Variants in KPNA4 observed in about 807,000 individuals in gnomAD.
KPNA4 encodes the protein karyopherin subunit alpha 4.
A neutral mutation model predicts 71.3 loss-of-function variants in KPNA4; 13 were observed. That is an observed-to-expected ratio of 0.18 (90% CI 0.12 to 0.29). KPNA4 has a LOEUF of 0.29. Ranked by LOEUF, KPNA4 falls within the 10% of genes least tolerant of loss-of-function variation. The pLI, the probability that KPNA4 is intolerant of heterozygous loss-of-function variation, is 1.00. For synonymous variants in KPNA4, 189 were observed against 195.2 expected, an observed-to-expected ratio of 0.97 and a Z score of 0.26; for missense variants, 334 against 603.2, an observed-to-expected ratio of 0.55 and a Z score of 4.67.
intron 7 of KPNA4, among the ~76,000 whole-genome samples, chr3:160,529,770 A>G (rs1181555355): frequency 6.6e-6 from 1 of 151,792 alleles, no homozygotes; most frequent in South Asian, 2.1e-4. Context: ...TCCTATTATA[A>G]TAACAATGAA....
chr3:160,508,875 A>G (rs1164415954), intron 14 of KPNA4, among the ~76,000 whole-genome samples: 1 of 152,164 alleles, frequency 6.6e-6, no homozygotes, highest in Non-Finnish European at 1.5e-5. Flanking sequence ...CCAGTGGCTC[A>G]CATGTGCCTG....
intron 13 of KPNA4, among the ~76,000 whole-genome samples, chr3:160,510,679 C>A (rs1195405064): frequency 6.6e-6 from 1 of 151,796 alleles, no homozygotes; most frequent in East Asian, 1.9e-4. Flanking sequence ...TATAAAATGG[C>A]ATAATTCTTA....
intron 15 of KPNA4, among the ~76,000 whole-genome samples, chr3:160,506,897 T>C (rs1720994283): frequency 6.6e-6 from 1 of 152,212 alleles, no homozygotes; most frequent in African/African-American, 2.4e-5. Context: ...TCTTACTACA[T>C]TAATTTTGAA....
At chr3:160,532,992 A>G (rs1721602589) in intron 5 of KPNA4, among the ~76,000 whole-genome samples, 1 of 152,144 alleles carries the variant, frequency 6.6e-6, no homozygotes, top group South Asian at 2.1e-4. Context: ...TTTCAAGAGG[A>G]TTTATACAGC....
intron 1 of KPNA4, among the ~76,000 whole-genome samples, chr3:160,538,009 G>C (rs10212356): frequency 0.017 from 2,613 of 151,812 alleles, 34 homozygotes; most frequent in Middle Eastern, 0.092. Context: ...ATCCTCATAG[G>C]AAGTCTTAAT....
intron 1 of KPNA4, among the ~76,000 whole-genome samples, chr3:160,538,556 A>G (rs1721735081): frequency 6.6e-6 from 1 of 152,224 alleles, no homozygotes; most frequent in African/African-American, 2.4e-5. Flanking sequence ...TCAGTAAAAA[A>G]TATTTTGTAA....
chr3:160,550,990 TG>T (rs1477446221), intron 1 of KPNA4, among the ~76,000 whole-genome samples: 2 of 152,230 alleles, frequency 1.3e-5, no homozygotes, highest in African/African-American at 4.8e-5. Context: ...TGTCTTTTTC[TG>T]GTTTTAGTAT....
intron 10 of KPNA4, among the ~76,000 whole-genome samples, chr3:160,525,012 T>C (rs1366153515): frequency 1.3e-5 from 2 of 152,210 alleles, no homozygotes; most frequent in Non-Finnish European, 2.9e-5. Context: ...TTCATGTGTT[T>C]TCCCTTACCC....
rs1720830121 is a variant in KPNA4, at chr3:160,499,223, A to C, written c.*2881T>G. 6.6e-6 allele frequency: 1 copy of C among 152,170 alleles called. No individual in the cohort carries two copies. Among genetic ancestry groups the C allele is most frequent in the Admixed American group, 6.5e-5 (1 of 15,276 alleles). 9.4% of individuals were successfully genotyped at this position (152,170 alleles called of 1,614,324 possible). On this transcript the variant is annotated 3_prime_UTR_variant, in exon 17 of 17. Coordinates refer to ENST00000334256, the MANE Select transcript of KPNA4 (RefSeq NM_002268.5). The stretch of plus-strand genomic sequence containing the variant: ...CAATGGAAAGTATTATTTCCACCAT[A>C]ACACACAATTACTGAAGTCTTTGAA...
intron 12 of KPNA4, chr3:160,514,943 T>TA (rs1487702660): frequency 3.9e-6 from 2 of 518,744 alleles, no homozygotes; most frequent in African/African-American, 1.9e-5. Flanking sequence ...ATGAACCTGT[T>TA]AGAGATTTTA....
intron 1 of KPNA4, among the ~76,000 whole-genome samples, chr3:160,538,014 C>T (rs565648301): frequency 7.2e-5 from 11 of 151,806 alleles, no homozygotes; most frequent in African/African-American, 2.7e-4. Context: ...CATAGGAAGT[C>T]TTAATTTTTA....
At chr3:160,544,167 T>C (rs932665265) in intron 1 of KPNA4, among the ~76,000 whole-genome samples, 1 of 152,142 alleles carries the variant, frequency 6.6e-6, no homozygotes, top group Non-Finnish European at 1.5e-5. Flanking sequence ...CTCCTTGACC[T>C]TTCAATAGCT....
intron 13 of KPNA4, among the ~76,000 whole-genome samples, chr3:160,512,687 C>T (rs1037964007): frequency 6.6e-6 from 1 of 152,152 alleles, no homozygotes; most frequent in African/African-American, 2.4e-5. Flanking sequence ...CAAAAATTAG[C>T]TGGGTGTAGT....
At chr3:160,525,501 T>C (rs985187253) in intron 10 of KPNA4, among the ~76,000 whole-genome samples, 1 of 152,222 alleles carries the variant, frequency 6.6e-6, no homozygotes, top group Non-Finnish European at 1.5e-5. Flanking sequence ...CTTTAAAAAC[T>C]TTTAATGTCA....
At chr3:160,538,872 A>AT (rs1220554798) in intron 1 of KPNA4, among the ~76,000 whole-genome samples, 1 of 152,102 alleles carries the variant, frequency 6.6e-6, no homozygotes, top group African/African-American at 2.4e-5. Context: ...CCTGGGTTCA[A>AT]TTTTTTTAGC....
At chr3:160,532,497 G>C (rs1419833087) in intron 5 of KPNA4, among the ~76,000 whole-genome samples, 1 of 152,198 alleles carries the variant, frequency 6.6e-6, no homozygotes, top group Non-Finnish European at 1.5e-5. Context: ...CCAGAGAGAT[G>C]CTAGAGAATC....
chr3:160,540,139 A>G (rs894514645), intron 1 of KPNA4, among the ~76,000 whole-genome samples: 1 of 151,498 alleles, frequency 6.6e-6, no homozygotes, highest in African/African-American at 2.4e-5. Flanking sequence ...AGCTGGGACT[A>G]CAGGCTCATG....
rs190527624 is a variant in KPNA4, at chr3:160,503,589, T to C, written c.1467+1369A>G. ...TGCATCTAAAGGCTCCTTTTGGAAA[T>C]TCCACAATATTACAAACCTGTAGTG... On this transcript the variant is annotated intron_variant, in intron 16 of 16. Coordinates refer to ENST00000334256, the MANE Select transcript of KPNA4 (RefSeq NM_002268.5). 3.5e-3 allele frequency among the ~76,000 whole-genome samples: 532 copies of C among 152,310 alleles called. 2 individuals carry two copies. Among genetic ancestry groups the C allele is most frequent in the African/African-American group, 0.012 (498 of 41,564 alleles).
At chr3:160,536,667 A>T in intron 2 of KPNA4, 129 bp downstream of exon 2, 1 of 479,854 alleles carries the variant, frequency 2.1e-6, no homozygotes. Context: ...AAATTTAGTA[A>T]ATAAAATTTA....
Sources: gnomAD v4.1 joint callset for allele counts (sites outside exome capture counted in the v4.1 genomes callset) on GRCh38, gnomAD v4.1.1 for gene constraint, MANE v1.5 for transcripts, NCBI Gene and HGNC (gene_info 2026-07-23, HGNC 2026-07-21) for gene names.